APBA2: variants seen among roughly 807,000 people sequenced by gnomAD.
The protein encoded by APBA2 is amyloid-beta A4 precursor protein-binding family A member 2.
APBA2 carries 30 observed loss-of-function variants against 75.0 expected under a neutral mutation model. That is an observed-to-expected ratio of 0.40 (90% confidence interval 0.30 to 0.54). The LOEUF is 0.54. Ranked by LOEUF, APBA2 falls within the 20% of genes least tolerant of loss-of-function variation. The pLI, the probability that APBA2 is intolerant of heterozygous loss-of-function variation, is 0.49. For missense variants in APBA2, 801 were observed against 1,016.1 expected, an observed-to-expected ratio of 0.79 and a Z score of 2.88; for synonymous variants, 444 against 409.6, an observed-to-expected ratio of 1.08 and a Z score of -1.01.
intron 2 of APBA2, among the ~76,000 whole-genome samples, chr15:28,953,006 G>A (rs1223323502): frequency 6.6e-6 from 1 of 152,184 alleles, no homozygotes; most frequent in Non-Finnish European, 1.5e-5. Flanking sequence ...AGGAAGAACA[G>A]GCGGGTCTTG....
rs374165904 is a variant in APBA2, at chr15:28,975,666, A to T, written c.-94-20087A>T. Among the ~76,000 whole-genome samples, 26 of 152,346 alleles carry T rather than the reference A, an allele frequency of 1.7e-4. No individual in the cohort carries two copies. The East Asian group carries it at 4.8e-3, about 28-fold the overall frequency. ...TGCATTAGGAAAAAAACAAAACAAA[A>T]CTGCTTTCGCATGATGGGGGAGGGA... is the stretch of plus-strand genomic sequence containing the variant. On this transcript the variant is annotated intron_variant, in intron 2 of 14. Coordinates refer to ENST00000683413, the MANE Select transcript of APBA2 (RefSeq NM_001353788.2).
At chr15:29,040,837 A>G (rs778928821) in intron 3 of APBA2, among the ~76,000 whole-genome samples, 3 of 152,336 alleles carry the variant, frequency 2.0e-5, no homozygotes, top group Non-Finnish European at 4.4e-5. Flanking sequence ...TCTTCAGTCA[A>G]TCAATTAAAA....
chr15:28,985,689 G>T (rs910288176), intron 2 of APBA2, among the ~76,000 whole-genome samples: 2 of 152,328 alleles, frequency 1.3e-5, no homozygotes, highest in African/African-American at 4.8e-5. Flanking sequence ...TTCCACAGCG[G>T]ATCTTCGAGA....
intron 9 of APBA2, among the ~76,000 whole-genome samples, chr15:29,101,278 G>A (rs1256072716): frequency 1.3e-5 from 2 of 151,284 alleles, no homozygotes; most frequent in African/African-American, 4.9e-5. Flanking sequence ...TGCCCAGGCT[G>A]GAGTGCAGTG....
intron 2 of APBA2, among the ~76,000 whole-genome samples, chr15:28,986,449 A>C (rs1428414632): frequency 1.3e-5 from 2 of 152,150 alleles, no homozygotes; most frequent in African/African-American, 4.8e-5. Flanking sequence ...CTCAGCCTGT[A>C]CTTAGCAGGT....
chr15:28,891,804 C>T (rs553276619), intron 1 of APBA2, among the ~76,000 whole-genome samples: 3 of 152,172 alleles, frequency 2.0e-5, no homozygotes, highest in South Asian at 2.1e-4. Flanking sequence ...TACAGTCATG[C>T]GTCACATGAC....
rs368887910 is a variant in APBA2, at chr15:29,062,138, C to T, written c.951+7303C>T. On this transcript the variant is annotated intron_variant, in intron 4 of 14. Coordinates refer to ENST00000683413, the MANE Select transcript of APBA2 (RefSeq NM_001353788.2). ...CTGCCTGGGAAGGGGAAGGTCCTCT[C>T]CAGCCCCCAGGCCTCAGTGGAGTAG... is the stretch of plus-strand genomic sequence containing the variant. 2.4e-4 allele frequency among the ~76,000 whole-genome samples: 36 copies of T among 152,274 alleles called. No individual in the cohort carries two copies. In the South Asian group the frequency reaches 6.6e-3, roughly 28 times the overall value.
intron 2 of APBA2, among the ~76,000 whole-genome samples, chr15:28,951,579 G>GT (rs58321244): frequency 0.33 from 50,700 of 151,408 alleles, 14,848 homozygotes; most frequent in African/African-American, 0.78. Flanking sequence ...ATCTCCCATA[G>GT]TTTTTTTTTA....
chr15:28,898,837 G>A (rs2032669926), intron 1 of APBA2, among the ~76,000 whole-genome samples: 1 of 152,146 alleles, frequency 6.6e-6, no homozygotes, highest in African/African-American at 2.4e-5. Flanking sequence ...ATTAGATTTT[G>A]CCATTACAAC....
Position 29,108,381 on chromosome 15 carries a change from A to C in APBA2, c.2029A>C (p.Asn677His). ...GTACCAGCTGGGCTTCAGCGTGCAG[A>C]ATGGAATTGTGAGTTCCCCCTCCTG... ...LKYQLGFSVQ[N>H]GIICSLMRGG... The change falls in exon 13 of 15, where the codon AAT (asparagine) becomes CAT (histidine). Residue 677 changes from asparagine (N) to histidine (H), a missense_variant. This residue lies in a region of APBA2 where 367 missense variants were observed against 544.5 expected (regional missense o/e 0.67). Coordinates refer to ENST00000683413, the MANE Select transcript of APBA2 (RefSeq NM_001353788.2). The C allele has an allele frequency of 6.2e-7, 1 of 1,614,036 alleles. No homozygotes were observed. The highest frequency in any genetic ancestry group is 8.5e-7 in the Non-Finnish European group (1 of 1,180,028).
chr15:29,085,284 G>A (rs2043237789), intron 6 of APBA2, among the ~76,000 whole-genome samples: 1 of 152,092 alleles, frequency 6.6e-6, no homozygotes, highest in Non-Finnish European at 1.5e-5. Context: ...CCAGCACTTT[G>A]GGAGGCTAAG....
At chr15:29,062,327 G>A (rs1013293714) in intron 4 of APBA2, among the ~76,000 whole-genome samples, 21 of 152,236 alleles carry the variant, frequency 1.4e-4, no homozygotes, top group Admixed American at 6.5e-4. Context: ...ACCCCTTCCC[G>A]TGCAGCTCTG....
intron 8 of APBA2, among the ~76,000 whole-genome samples, chr15:29,097,484 G>A (rs551095796): frequency 6.6e-6 from 1 of 152,314 alleles, no homozygotes; most frequent in Admixed American, 6.5e-5. Flanking sequence ...TTCCTTCTAC[G>A]TGGACTCTGG....
intron 1 of APBA2, among the ~76,000 whole-genome samples, chr15:28,914,247 T>C (rs1321905391): frequency 2.0e-5 from 3 of 152,118 alleles, no homozygotes; most frequent in African/African-American, 4.8e-5. Flanking sequence ...AGGGGCTGCT[T>C]TGCGGTGTAG....
At chr15:29,038,143 G>C (rs1238915280) in intron 3 of APBA2, among the ~76,000 whole-genome samples, 1 of 152,174 alleles carries the variant, frequency 6.6e-6, no homozygotes, top group Non-Finnish European at 1.5e-5. Context: ...CTGGTGCTGT[G>C]CTTGCCAGCT....
chr15:28,982,963 G>A (rs948631288), intron 2 of APBA2, among the ~76,000 whole-genome samples: 1 of 152,238 alleles, frequency 6.6e-6, no homozygotes, highest in African/African-American at 2.4e-5. Context: ...AGGTAGGCTT[G>A]CATTTGGGTT....
intron 3 of APBA2, among the ~76,000 whole-genome samples, chr15:29,025,170 A>G (rs2040152872): frequency 6.6e-6 from 1 of 152,180 alleles, no homozygotes; most frequent in Non-Finnish European, 1.5e-5. Flanking sequence ...TTTATTAATA[A>G]GATGCTGTGC....
chr15:29,107,007 C>T (rs929313220), intron 12 of APBA2, among the ~76,000 whole-genome samples, 188 bp downstream of exon 12: 3 of 152,170 alleles, frequency 2.0e-5, no homozygotes, highest in Non-Finnish European at 4.4e-5. Flanking sequence ...TTCCCCATGT[C>T]TGAATCAGAG....
At chr15:28,930,341 G>A (rs773411093) in intron 2 of APBA2, among the ~76,000 whole-genome samples, 7 of 152,298 alleles carry the variant, frequency 4.6e-5, no homozygotes, top group South Asian at 2.1e-4. Context: ...CTTCACCCTC[G>A]TGGTCCCTCT....
Sources: allele counts gnomAD v4.1 joint callset (sites outside exome capture counted in the v4.1 genomes callset), GRCh38; gene constraint gnomAD v4.1.1; regional missense constraint gnomAD v4.1.1; transcripts MANE v1.5; gene names NCBI Gene and HGNC (gene_info 2026-07-23, HGNC 2026-07-21).